Variants in AGBL1 observed in about 807,000 individuals in gnomAD.
AGBL1 encodes the protein cytosolic carboxypeptidase 4.
AGBL1 carries 130 observed loss-of-function variants against 118.9 expected under a neutral mutation model. The observed-to-expected ratio is 1.09, with a 90% CI of 0.95 to 1.26. The LOEUF (loss-of-function observed/expected upper bound fraction) is 1.26, where lower values mean the gene tolerates loss of function less well. AGBL1 is among the 50% of genes most tolerant of loss of function. The pLI, the probability that AGBL1 is intolerant of heterozygous loss-of-function variation, is 0.00. For synonymous variants in AGBL1, 555 were observed against 478.9 expected, an observed-to-expected ratio of 1.16 and a Z score of -2.08; for missense variants, 1,584 against 1,298.1, an observed-to-expected ratio of 1.22 and a Z score of -3.38.
intron 17 of AGBL1, among the ~76,000 whole-genome samples, chr15:86,340,444 T>A (rs746760299): frequency 5.3e-5 from 8 of 152,038 alleles, no homozygotes; most frequent in Non-Finnish European, 1.2e-4. Context: ...TCCTTGAACA[T>A]GGAGGAGAGG....
chr15:86,209,760 C>G (rs2141881862), intron 5 of AGBL1, among the ~76,000 whole-genome samples: 1 of 152,234 alleles, frequency 6.6e-6, no homozygotes, highest in Non-Finnish European at 1.5e-5. Flanking sequence ...GGTCTTGACT[C>G]TTTATCCAAT....
chr15:86,326,042 A>G (rs2080178446), intron 17 of AGBL1, among the ~76,000 whole-genome samples: 1 of 152,188 alleles, frequency 6.6e-6, no homozygotes, highest in South Asian at 2.1e-4. Context: ...TAACTTTTTT[A>G]AAGGTTCAAA....
At chr15:86,385,545 A>G (rs1256982080) in intron 17 of AGBL1, among the ~76,000 whole-genome samples, 1 of 152,248 alleles carries the variant, frequency 6.6e-6, no homozygotes, top group Non-Finnish European at 1.5e-5. Flanking sequence ...GGCTTAAATT[A>G]TTTTACTTCC....
At chr15:86,519,447 A>C (rs1038075048) in intron 18 of AGBL1, among the ~76,000 whole-genome samples, 1 of 152,172 alleles carries the variant, frequency 6.6e-6, no homozygotes, top group Non-Finnish European at 1.5e-5. Flanking sequence ...TTTCATCTTC[A>C]AATGCTTAAA....
At chr15:86,103,335 G>A (rs1016404513) in intron 1 of AGBL1, among the ~76,000 whole-genome samples, 4 of 152,086 alleles carry the variant, frequency 2.6e-5, no homozygotes, top group Non-Finnish European at 4.4e-5. Context: ...TTCTTTTTCT[G>A]GGATTTTGTA....
intron 21 of AGBL1, among the ~76,000 whole-genome samples, chr15:86,579,684 G>A (rs1253777071): frequency 6.6e-6 from 1 of 152,168 alleles, no homozygotes; most frequent in Non-Finnish European, 1.5e-5. Flanking sequence ...GAGGAGTAAT[G>A]GGATCACAGC....
intron 21 of AGBL1, among the ~76,000 whole-genome samples, chr15:86,667,343 AT>A (rs1434253216): frequency 3.3e-5 from 5 of 151,824 alleles, no homozygotes; most frequent in Admixed American, 6.6e-5. Context: ...TGGTATTAGG[AT>A]TATGTTAATA....
intron 22 of AGBL1, among the ~76,000 whole-genome samples, chr15:86,708,187 A>T (rs1485044525): frequency 6.6e-6 from 1 of 152,114 alleles, no homozygotes; most frequent in Admixed American, 6.6e-5. Context: ...TTAAAGTTGA[A>T]GCCAATATTT....
intron 21 of AGBL1, among the ~76,000 whole-genome samples, chr15:86,640,969 AT>A (rs59709098): frequency 0.8 from 119,822 of 150,704 alleles, 49,022 homozygotes; most frequent in South Asian, 0.9. Flanking sequence ...ACTGAGGTTG[AT>A]TTTTTTTTTT....
In AGBL1 at chr15:86,615,931, T is replaced by TA. The variant is rs5814252; in HGVS notation, c.2995-58332dup. Among the ~76,000 whole-genome samples the TA allele has an allele frequency of 1.3e-5, 2 of 149,760 alleles. No individual in the cohort carries two copies. The highest frequency in any genetic ancestry group is 1.9e-4 in the East Asian group (1 of 5,132). On this transcript the variant is annotated intron_variant, in intron 21 of 22. Transcript: ENST00000614907. The surrounding 1 kb of genome is among the most constrained non-coding windows in gnomAD (Gnocchi z 4.3). ...TATAAGAAAAGATGTCAACAGGAAA[T>TA]AAAAAAAAAATACTCCCACGGAAGT...
intron 21 of AGBL1, among the ~76,000 whole-genome samples, chr15:86,560,667 G>C (rs554594459): frequency 6.6e-6 from 1 of 152,180 alleles, no homozygotes; most frequent in Non-Finnish European, 1.5e-5. Flanking sequence ...TAATGGGATG[G>C]CTGAGTCAAA....
At chr15:86,774,134 TAG>T (rs1281968574) in intron 22 of AGBL1, among the ~76,000 whole-genome samples, 1 of 152,038 alleles carries the variant, frequency 6.6e-6, no homozygotes, top group African/African-American at 2.4e-5. Flanking sequence ...TGGGAGAAAT[TAG>T]AGTGATGTGC....
chr15:86,397,867 A>T (rs1278669459), intron 18 of AGBL1, among the ~76,000 whole-genome samples: 1 of 152,172 alleles, frequency 6.6e-6, no homozygotes, highest in African/African-American at 2.4e-5. Context: ...ATCACAGGCA[A>T]TTAATAGCAG....
chr15:86,882,145 C>A (rs1188545585), intron 22 of AGBL1, among the ~76,000 whole-genome samples: 3 of 152,186 alleles, frequency 2.0e-5, no homozygotes, highest in Non-Finnish European at 4.4e-5. Context: ...GTCACCATGA[C>A]ACGGCTACCT....
Position 86,158,917 on chromosome 15 carries a change from C to A in AGBL1, c.395-16C>A. The stretch of plus-strand genomic sequence containing the variant: ...TCCACTTGTGACCATAACTACTGTG[C>A]TTTTGTTTTTCTTAGTCTCCATGGG... On this transcript the variant is annotated splice_polypyrimidine_tract_variant and intron_variant, in intron 4 of 22. Transcript: ENST00000614907. 6.2e-7 allele frequency: 1 copy of A among 1,611,056 alleles called. No homozygotes were observed. Among genetic ancestry groups the A allele is most frequent in the Non-Finnish European group, 8.5e-7 (1 of 1,177,518 alleles).
chr15:86,578,676 G>C (rs1596284763), intron 21 of AGBL1, among the ~76,000 whole-genome samples: 2 of 152,144 alleles, frequency 1.3e-5, no homozygotes, highest in East Asian at 3.9e-4. Context: ...TTCCTGTGCT[G>C]TTCTTGTGAT....
chr15:86,444,491 G>C (rs546246499), intron 18 of AGBL1, among the ~76,000 whole-genome samples: 7 of 152,278 alleles, frequency 4.6e-5, no homozygotes, highest in African/African-American at 1.4e-4. Context: ...TTGCCCAAAG[G>C]GTTCACTACA....
rs925304456 is a variant in AGBL1, at chr15:86,912,093, T to A, written c.*4799T>A. On this transcript the variant is annotated 3_prime_UTR_variant, in exon 23 of 23. Transcript: ENST00000614907. Reference sequence around the variant, plus strand: ...TCAATGAAATCTCACTTATTTTCCTTAAATCCCTCCGTTTTCCATCTCAAA... The same window carrying A: ...TCAATGAAATCTCACTTATTTTCCTAAAATCCCTCCGTTTTCCATCTCAAA... The A allele has an allele frequency of 6.6e-6, 1 of 152,176 alleles. No individual in the cohort carries two copies. The highest frequency in any genetic ancestry group is 1.5e-5 in the Non-Finnish European group (1 of 68,026). 9.4% of individuals were successfully genotyped at this position (152,176 alleles called of 1,614,324 possible).
At chr15:86,311,562 T>C (rs185154409) in intron 17 of AGBL1, among the ~76,000 whole-genome samples, 49 of 152,326 alleles carry the variant, frequency 3.2e-4, no homozygotes, top group African/African-American at 1.2e-3. Flanking sequence ...AGTTCCTGAA[T>C]TAAGATTCCA....
Sources: allele counts gnomAD v4.1 joint callset (sites outside exome capture counted in the v4.1 genomes callset), GRCh38; gene constraint gnomAD v4.1.1; non-coding constraint Gnocchi (gnomAD v3.1); transcripts MANE v1.5; gene names NCBI Gene and HGNC (gene_info 2026-07-23, HGNC 2026-07-21).